Variants in NAPSA observed in about 807,000 individuals in gnomAD.
NAPSA encodes napsin-A.
A neutral mutation model predicts 36.7 loss-of-function variants in NAPSA; 37 were observed. The observed-to-expected ratio is 1.01, with a 90% CI of 0.78 to 1.33. The LOEUF is 1.33. Ranked by LOEUF, NAPSA falls within the 40% of genes most tolerant of loss-of-function variation. The probability of loss-of-function intolerance (pLI) is 0.00; values close to 1 mark genes in which losing one functional copy is unlikely to be tolerated. For synonymous variants in NAPSA, 222 were observed against 234.5 expected, an observed-to-expected ratio of 0.95 and a Z score of 0.49; for missense variants, 532 against 543.8, an observed-to-expected ratio of 0.98 and a Z score of 0.21.
upstream of NAPSA, among the ~76,000 whole-genome samples, chr19:50,367,067 C>A (rs1317114075): frequency 6.6e-6 from 1 of 151,484 alleles, no homozygotes; most frequent in Non-Finnish European, 1.5e-5. Flanking sequence ...TCAGGTGATC[C>A]ACCTGCCTCG....
chr19:50,364,918 G>A (rs551715852), intron 1 of NAPSA, among the ~76,000 whole-genome samples: 51 of 150,474 alleles, frequency 3.4e-4, no homozygotes, highest in African/African-American at 1.2e-3. Context: ...CTTGAACCCG[G>A]GAGGCAGAGG....
chr19:50,368,189 G>GA (rs2037573703), upstream of NAPSA, among the ~76,000 whole-genome samples: 1 of 143,420 alleles, frequency 7.0e-6, no homozygotes, highest in South Asian at 2.2e-4. Context: ...AGAAACAAAA[G>GA]AAAGGCTAGG....
At chr19:50,359,482 C>T (rs779211725) in intron 7 of NAPSA, 21 bp downstream of exon 7, 10 of 1,613,772 alleles carry the variant, frequency 6.2e-6, no homozygotes, top group South Asian at 1.1e-5. Context: ...CCAGCCCGTA[C>T]CCACCAGACT....
Position 50,359,878 on chromosome 19 carries a change from G to T in NAPSA, c.669-16C>A, listed in dbSNP as rs144934721. 1.7e-5 allele frequency: 28 copies of T among 1,611,674 alleles called. No homozygotes were observed. In the Admixed American group the frequency reaches 3.2e-4, roughly 18 times the overall value. On this transcript the variant is annotated splice_polypyrimidine_tract_variant and intron_variant, in intron 5 of 8. Coordinates refer to ENST00000253719, the MANE Select transcript of NAPSA (RefSeq NM_004851.3). ...TTCAGGGTCCCTGCAGGGGCAGAGTGTAGAGAGTGTAGATGTCAGTGTCAC... is the reference window on the plus strand; with the variant it reads ...TTCAGGGTCCCTGCAGGGGCAGAGTTTAGAGAGTGTAGATGTCAGTGTCAC...
At chr19:50,361,502 C>A in intron 4 of NAPSA, 161 bp downstream of exon 4, 1 of 671,374 alleles carries the variant, frequency 1.5e-6, no homozygotes, top group Non-Finnish European at 2.6e-6. Context: ...CTCCTTGTGA[C>A]GCACCATCCC....
chr19:50,359,266 A>C (rs2037439036), intron 7 of NAPSA, 157 bp from the exon 8 acceptor site: 2 of 839,028 alleles, frequency 2.4e-6, no homozygotes, highest in Admixed American at 5.1e-5. Flanking sequence ...CGCAGTCCCA[A>C]GCAAACCTGC....
At position 50,361,057 on chromosome 19, in the gene NAPSA, A is replaced by G; in HGVS notation, c.552T>C (p.Asp184=). ...TGGGAAAACCGAGGCCCAATATCCC[A>G]TCAAAATGGGCAAAAGCGAAGACCA... ...PSLVFAFAHF[D]GILGLGFPIL... is the part of the protein sequence containing the mutation. The change falls in exon 5 of 9, where the codon GAT becomes GAC. Residue 184 remains aspartate (D), a synonymous_variant. Transcript: ENST00000253719. 6.2e-7 allele frequency: 1 copy of G among 1,614,170 alleles called. No individual in the cohort carries two copies. The highest frequency in any genetic ancestry group is 8.5e-7 in the Non-Finnish European group (1 of 1,180,018).
At chr19:50,360,731 G>A (rs1042303376) in intron 5 of NAPSA, among the ~76,000 whole-genome samples, 3 of 152,146 alleles carry the variant, frequency 2.0e-5, no homozygotes, top group Non-Finnish European at 2.9e-5. Context: ...CTGGGACTTC[G>A]AATAGGGTTG....
intron 7 of NAPSA, 174 bp downstream of exon 7, chr19:50,359,329 G>T (rs942143783): frequency 6.4e-6 from 6 of 930,278 alleles, no homozygotes; most frequent in Non-Finnish European, 9.6e-6. Context: ...GTGTAGACAC[G>T]TGGAAAGTGT....
chr19:50,361,541 C>G, intron 4 of NAPSA, 122 bp downstream of exon 4: 1 of 843,658 alleles, frequency 1.2e-6, no homozygotes, highest in Non-Finnish European at 2.0e-6. Flanking sequence ...CCCTCCTCCC[C>G]ACTTGAAAAG....
Position 50,358,547 on chromosome 19 carries a change from T to G in NAPSA, c.*6A>C. 1 of 1,580,864 alleles carries G rather than the reference T, an allele frequency of 6.3e-7. No individual in the cohort carries two copies. Among genetic ancestry groups the G allele is most frequent in the Admixed American group, 1.8e-5 (1 of 54,428 alleles). ...CCACCCGCTGCGCATGCGCTTCACTTGGGCGTCACCCGGGGAACTGCGCCT... is the reference window on the plus strand; with the variant it reads ...CCACCCGCTGCGCATGCGCTTCACTGGGGCGTCACCCGGGGAACTGCGCCT... On this transcript the variant is annotated 3_prime_UTR_variant, in exon 9 of 9. Coordinates refer to ENST00000253719, the MANE Select transcript of NAPSA (RefSeq NM_004851.3).
chr19:50,361,127 T>G lies in NAPSA; in HGVS notation c.482A>C (p.Lys161Thr). 3 of 1,613,756 alleles carry G rather than the reference T, an allele frequency of 1.9e-6. No homozygotes were observed. Among genetic ancestry groups the G allele is most frequent in the Non-Finnish European group, 1.7e-6 (2 of 1,179,952 alleles). ...SEDKLTIGGI[K>T]GASVIFGEAL... is the part of the protein sequence containing the mutation. ...CTCCCCGAAAATCACTGATGCACCCTTGATTCCACCAATCTAGGGGTAGAT... is the reference window on the plus strand; with the variant it reads ...CTCCCCGAAAATCACTGATGCACCCGTGATTCCACCAATCTAGGGGTAGAT... The change falls in exon 5 of 9, where the codon AAG (lysine) becomes ACG (threonine). Residue 161 changes from lysine (K) to threonine (T), a missense_variant. Physicochemically the swap from Lys to Thr is moderately conservative, Grantham distance 78. Transcript: ENST00000253719.
rs1465969386 is a variant in NAPSA, at chr19:50,365,535, A to AT, written c.83+3dup. 2 of 1,612,248 alleles carry AT rather than the reference A, an allele frequency of 1.2e-6. No homozygotes were observed. Among genetic ancestry groups the AT allele is most frequent in the African/African-American group, 2.7e-5 (2 of 74,908 alleles). The stretch of plus-strand genomic sequence containing the variant: ...GGTTGGGGTGGTAGATGGGGTCACC[A>AT]TACCGGATCAGTGTGGCCCCGGAAG... On this transcript the variant is annotated splice_donor_region_variant and intron_variant, in intron 1 of 8. Coordinates refer to ENST00000253719, the MANE Select transcript of NAPSA (RefSeq NM_004851.3).
chr19:50,367,525 A>T (rs2037562013), upstream of NAPSA, among the ~76,000 whole-genome samples: 1 of 150,470 alleles, frequency 6.6e-6, no homozygotes, highest in Non-Finnish European at 1.5e-5. Context: ...GCTTTCTCTC[A>T]AACAGAGTCA....
At chr19:50,359,936 A>G in intron 5 of NAPSA, 74 bp from the exon 6 acceptor site, 2 of 1,544,190 alleles carry the variant, frequency 1.3e-6, no homozygotes, top group Admixed American at 1.9e-5. Context: ...ATTGCCAGGA[A>G]TGGCACTTCC....
intron 7 of NAPSA, 87 bp downstream of exon 7, chr19:50,359,416 C>T (rs753964554): frequency 1.1e-5 from 17 of 1,559,620 alleles, no homozygotes; most frequent in Non-Finnish European, 1.4e-5. Flanking sequence ...CCCTTAAATA[C>T]TTGCCTCCCA....
At chr19:50,360,067 C>A (rs1601123993) in intron 5 of NAPSA, among the ~76,000 whole-genome samples, 1 of 152,164 alleles carries the variant, frequency 6.6e-6, no homozygotes, top group East Asian at 1.9e-4. Context: ...GCTAGAACTT[C>A]CTGAAGTGAA....
rs144137548 is a variant in NAPSA, at chr19:50,362,629, C to T, written c.84-316G>A. 473 of 205,522 alleles carry T rather than the reference C, an allele frequency of 2.3e-3. 3 individuals carry two copies. Among genetic ancestry groups the T allele is most frequent in the African/African-American group, 9.3e-3 (402 of 43,112 alleles). 12.7% of individuals were successfully genotyped at this position (205,522 alleles called of 1,614,324 possible). Reference sequence around the variant, plus strand: ...ACCCTAACAGAAAACCTAACCTTTGCAAAAGCCCTTGGGTGGTGGCCCCTG... The same window carrying T: ...ACCCTAACAGAAAACCTAACCTTTGTAAAAGCCCTTGGGTGGTGGCCCCTG... On this transcript the variant is annotated intron_variant, in intron 1 of 8. Transcript: ENST00000253719.
rs757443248 is a variant in NAPSA at position 50,359,869 on chromosome 19, G to C, written c.669-7C>G. On this transcript the variant is annotated splice_polypyrimidine_tract_variant and splice_region_variant and intron_variant, in intron 5 of 8. Transcript: ENST00000253719. ...ATCAGGCTCTTCAGGGTCCCTGCAG[G>C]GGCAGAGTGTAGAGAGTGTAGATGT... 1.2e-6 allele frequency: 2 copies of C among 1,613,376 alleles called. No individual in the cohort carries two copies. The highest frequency in any genetic ancestry group is 1.7e-6 in the Non-Finnish European group (2 of 1,179,632).
Sources: allele counts gnomAD v4.1 joint callset (sites outside exome capture counted in the v4.1 genomes callset), GRCh38; gene constraint gnomAD v4.1.1; transcripts MANE v1.5; gene names NCBI Gene and HGNC (gene_info 2026-07-23, HGNC 2026-07-21).